The following TENM1 variants were observed in gnomAD, a reference collection of about 807,000 sequenced individuals.
TENM1 encodes the protein teneurin-1.
TENM1 carries 35 observed loss-of-function variants against 174.8 expected under a neutral mutation model. The observed-to-expected ratio is 0.20, with a 90% CI of 0.15 to 0.27. The LOEUF (loss-of-function observed/expected upper bound fraction) is 0.27. Among genes scored for constraint, TENM1 ranks in the 10% least tolerant of loss-of-function variants. The pLI, the probability that TENM1 is intolerant of heterozygous loss-of-function variation, is 1.00. For missense variants in TENM1, 1,633 were observed against 2,130.1 expected, an observed-to-expected ratio of 0.77 and a Z score of 4.59; for synonymous variants, 781 against 798.7, an observed-to-expected ratio of 0.98 and a Z score of 0.37.
intron 3 of TENM1, among the ~76,000 whole-genome samples, chrX:124,863,059 C>G (rs1387040615): frequency 9.2e-6 from 1 of 108,139 alleles, no homozygotes; most frequent in African/African-American, 3.4e-5. Context: ...AGGAAAGCAC[C>G]CAGTCCTGCC....
rs372231603 is a variant in TENM1, at chrX:124,616,643, G to A, written c.2077+25148C>T. 1.6e-4 allele frequency among the ~76,000 whole-genome samples: 18 copies of A among 112,652 alleles called. No individual in the cohort carries two copies. In the South Asian group the frequency reaches 6.6e-3, roughly 41 times the overall value. ...TTTGTAGGGTTCTATAGTAGAAATA[G>A]AACACATGGTCTCTACATACTGGAC... On this transcript the variant is annotated intron_variant, in intron 11 of 31. Coordinates refer to ENST00000422452, the Ensembl canonical transcript of TENM1.
At chrX:124,860,733 C>T (rs960997599) in intron 3 of TENM1, among the ~76,000 whole-genome samples, 41 of 111,692 alleles carry the variant, frequency 3.7e-4, no homozygotes, top group African/African-American at 1.3e-3. Context: ...ATTATTATTT[C>T]TAGTTCTTGT....
chrX:124,980,777 C>A, the TENM1 span, among the ~76,000 whole-genome samples: 1 of 110,350 alleles, frequency 9.1e-6, no homozygotes, highest in African/African-American at 3.3e-5. Flanking sequence ...GGGCTTATTG[C>A]CAATCATTTG....
intron 25 of TENM1, among the ~76,000 whole-genome samples, chrX:124,412,596 G>T (rs189296521): frequency 1.8e-5 from 2 of 112,546 alleles, no homozygotes; most frequent in East Asian, 5.6e-4. Context: ...TCAGAAAGCT[G>T]ACCAACCTAA....
chrX:124,854,622 C>T (rs2056781256), intron 3 of TENM1, among the ~76,000 whole-genome samples: 1 of 111,850 alleles, frequency 8.9e-6, no homozygotes, highest in African/African-American at 3.2e-5. Context: ...TAGTATCATT[C>T]TTTTGGCTTA....
chrX:124,399,665 A>G (rs2060377464), intron 27 of TENM1, among the ~76,000 whole-genome samples: 1 of 111,923 alleles, frequency 8.9e-6, no homozygotes, highest in Non-Finnish European at 1.9e-5. Context: ...AGTGAGGTTG[A>G]TCCAAGATTA....
chrX:124,564,212 C>T (rs947947182), intron 12 of TENM1, among the ~76,000 whole-genome samples: 1 of 111,795 alleles, frequency 8.9e-6, no homozygotes, highest in Non-Finnish European at 1.9e-5. Flanking sequence ...ATTACTTAAG[C>T]TACACATCTG....
chrX:124,611,091 G>C (rs1220796705), intron 11 of TENM1, among the ~76,000 whole-genome samples: 1 of 111,495 alleles, frequency 9.0e-6, no homozygotes, highest in Non-Finnish European at 1.9e-5. Context: ...AGATAATAGT[G>C]GGTGGAAACA....
At chrX:124,806,924 T>C (rs1231892226) in intron 3 of TENM1, among the ~76,000 whole-genome samples, 2 of 111,395 alleles carry the variant, frequency 1.8e-5, no homozygotes, top group Non-Finnish European at 3.8e-5. Context: ...AGGTAATATA[T>C]AAAGAAAAGA....
rs192758915 is a variant in TENM1, at chrX:124,533,199, C to A, written c.2652-3216G>T. ...TGTGCCACTTCGTTCAGCTCAACTG[C>A]CATTTTGTGCACTCCCAGATTCTAA... is the stretch of plus-strand genomic sequence containing the variant. On this transcript the variant is annotated intron_variant, in intron 15 of 31. Coordinates refer to ENST00000422452, the Ensembl canonical transcript of TENM1. Among the ~76,000 whole-genome samples, 603 of 111,643 alleles carry A rather than the reference C, an allele frequency of 5.4e-3. 4 individuals are homozygous for A. Among genetic ancestry groups the A allele is most frequent in the African/African-American group, 0.019 (573 of 30,748 alleles).
rs377425382 is a variant in TENM1, at chrX:124,797,745, T to C, written c.536-60548A>G. On this transcript the variant is annotated intron_variant, in intron 3 of 31. Transcript: ENST00000422452. ...ATACAGAATGTGCAGGTTTGTTACA[T>C]AGGTATATGTGTGCCTTGGTGGTTT... 1.5e-4 allele frequency among the ~76,000 whole-genome samples: 16 copies of C among 110,014 alleles called. No homozygotes were observed. The East Asian group carries it at 4.6e-3, about 31-fold the overall frequency.
chrX:125,055,917 A>C, the TENM1 span, among the ~76,000 whole-genome samples: 1 of 112,056 alleles, frequency 8.9e-6, no homozygotes, highest in Non-Finnish European at 1.9e-5. Context: ...ACAGTCCAAA[A>C]CATTAGCGTC....
At chrX:125,202,611 G>GAAGCTGC in the TENM1 span, among the ~76,000 whole-genome samples, 25 of 111,193 alleles carry the variant, frequency 2.2e-4, no homozygotes, top group African/African-American at 7.2e-4. Context: ...TGCTCAACCC[G>GAAGCTGC]AAGCTGCCGA....
At chrX:124,819,800 C>CGT (rs769405076) in intron 3 of TENM1, among the ~76,000 whole-genome samples, 1 of 102,528 alleles carries the variant, frequency 9.8e-6, no homozygotes, top group African/African-American at 3.5e-5. Context: ...CTTTCCTTTC[C>CGT]TTTTTTTTTT....
At chrX:124,435,082 C>T (rs1324119093) in intron 23 of TENM1, among the ~76,000 whole-genome samples, 4 of 111,217 alleles carry the variant, frequency 3.6e-5, no homozygotes, top group Non-Finnish European at 7.5e-5. Flanking sequence ...TTTGAGGCTG[C>T]GTGATGAGCC....
chrX:124,993,819 C>CACACACACACACAAAT, the TENM1 span, among the ~76,000 whole-genome samples: 1 of 110,682 alleles, frequency 9.0e-6, no homozygotes, highest in Non-Finnish European at 1.9e-5. Flanking sequence ...TGCATGCACA[C>CACACACACACACAAAT]ACACACACAC....
chrX:124,942,996 A>C (rs1260108739), intron 1 of TENM1, among the ~76,000 whole-genome samples: 1 of 111,473 alleles, frequency 9.0e-6, no homozygotes, highest in Non-Finnish European at 1.9e-5. Context: ...ATCCTAGCAA[A>C]TCTCTCTTTT....
chrX:125,036,021 CATT>C, the TENM1 span, among the ~76,000 whole-genome samples: 4 of 111,424 alleles, frequency 3.6e-5, no homozygotes, highest in Non-Finnish European at 7.6e-5. Context: ...ACAATTGAAT[CATT>C]ATTAAAATTC....
At chrX:124,777,340 T>C (rs1012821335) in intron 3 of TENM1, among the ~76,000 whole-genome samples, 1 of 111,414 alleles carries the variant, frequency 9.0e-6, no homozygotes, top group African/African-American at 3.3e-5. Context: ...AATGTAGTTA[T>C]ATAAACTTAA....
Sources: gnomAD v4.1 joint callset for allele counts (sites outside exome capture counted in the v4.1 genomes callset) on GRCh38, gnomAD v4.1.1 for gene constraint, MANE v1.5 for transcripts, NCBI Gene and HGNC (gene_info 2026-07-23, HGNC 2026-07-21) for gene names.